FAM204A: variants seen among roughly 807,000 people sequenced by gnomAD.
FAM204A encodes family with sequence similarity 204 member A.
A neutral mutation model predicts 35.4 loss-of-function variants in FAM204A; 16 were observed. The observed-to-expected ratio is 0.45, with a 90% CI of 0.31 to 0.69. The LOEUF (loss-of-function observed/expected upper bound fraction) is 0.69, where lower values mean the gene tolerates loss of function less well. Among genes scored for constraint, FAM204A ranks in the 30% least tolerant of loss-of-function variants. The pLI, the probability that FAM204A is intolerant of heterozygous loss-of-function variation, is 0.07. For synonymous variants in FAM204A, 76 were observed against 86.9 expected, an observed-to-expected ratio of 0.88 and a Z score of 0.70; for missense variants, 240 against 265.7, an observed-to-expected ratio of 0.90 and a Z score of 0.67.
In FAM204A at chr10:118,298,445, CATTTTT is replaced by C. The variant is rs1442180968; in HGVS notation, c.*12406_*12411del. On this transcript the variant is annotated 3_prime_UTR_variant, in exon 9 of 9. Coordinates refer to ENST00000369183, the MANE Select transcript of FAM204A (RefSeq NM_022063.3). ...TTATTCTCTCCTACCAGTTACTCTT[CATTTTT>C]ATGTGTCAGAAAGCGTTCCTTGCAT... 6.6e-6 allele frequency: 1 copy of C among 152,182 alleles called. No individual in the cohort carries two copies. The highest frequency in any genetic ancestry group is 1.5e-5 in the Non-Finnish European group (1 of 68,026). 9.4% of individuals were successfully genotyped at this position (152,182 alleles called of 1,614,324 possible).
chr10:118,327,780 C>T (rs1846222143), intron 6 of FAM204A, among the ~76,000 whole-genome samples: 1 of 152,144 alleles, frequency 6.6e-6, no homozygotes, highest in Admixed American at 6.5e-5. Flanking sequence ...TGCCAGAATA[C>T]AAATCAGCTT....
chr10:118,310,881 G>A lies in FAM204A; in HGVS notation c.678C>T (p.Thr226=). 10 of 1,602,212 alleles carry A rather than the reference G, an allele frequency of 6.2e-6. No homozygotes were observed. Among genetic ancestry groups the A allele is most frequent in the Non-Finnish European group, 8.5e-6 (10 of 1,177,028 alleles). Residue 226 remains threonine (T), a synonymous_variant, in exon 9 of 9, where the codon ACC becomes ACT. Transcript: ENST00000369183. ...GTTACATGTATCCCATGTTGCTTTT[G>A]GTTTCCCATCTCTTCTTTGCTTCAA... is the stretch of plus-strand genomic sequence containing the variant. ...WGFEAKKRWE[T]KSNMGYM
rs1241949121 is a variant in FAM204A at position 118,299,112 on chromosome 10, T to C, written c.*11745A>G. On this transcript the variant is annotated 3_prime_UTR_variant, in exon 9 of 9. Coordinates refer to ENST00000369183, the MANE Select transcript of FAM204A (RefSeq NM_022063.3). The stretch of plus-strand genomic sequence containing the variant: ...TTTCTTGTCTTGGGCAGCAGATCAT[T>C]CCTTTTTCAGCTTCCAAATGGGGAA... The C allele has an allele frequency of 6.6e-6, 1 of 152,172 alleles. No homozygotes were observed. The highest frequency in any genetic ancestry group is 2.4e-5 in the African/African-American group (1 of 41,438). 9.4% of individuals were successfully genotyped at this position (152,172 alleles called of 1,614,324 possible). A position where few individuals can be genotyped will look rare whatever the true frequency, so the allele number is the denominator to read the frequency against.
At chr10:118,339,592 C>G (rs1846441482) in intron 2 of FAM204A, among the ~76,000 whole-genome samples, 1 of 152,172 alleles carries the variant, frequency 6.6e-6, no homozygotes, top group Non-Finnish European at 1.5e-5. Flanking sequence ...AGATTATAGC[C>G]AAGTCCATAT....
chr10:118,308,553 A>T lies in FAM204A; in HGVS notation c.*2304T>A, dbSNP rs1201444120. The T allele has an allele frequency of 6.6e-6, 1 of 152,224 alleles. No homozygotes were observed. The highest frequency in any genetic ancestry group is 1.5e-5 in the Non-Finnish European group (1 of 68,058). The allele number at this position is 152,224 out of a possible 1,614,324, so 9.4% of individuals were successfully genotyped here. On this transcript the variant is annotated 3_prime_UTR_variant, in exon 9 of 9. Transcript: ENST00000369183. ...CTTCCCTCCAACCCCTTCTTCTGCTACACATAACGTTTTAGAGCTTTCCAC... is the reference window on the plus strand; with the variant it reads ...CTTCCCTCCAACCCCTTCTTCTGCTTCACATAACGTTTTAGAGCTTTCCAC...
chr10:118,321,511 C>T (rs1846114735), intron 7 of FAM204A, among the ~76,000 whole-genome samples: 1 of 151,822 alleles, frequency 6.6e-6, no homozygotes, highest in Non-Finnish European at 1.5e-5. Flanking sequence ...ACATTAAACA[C>T]ATTTATTTTA....
chr10:118,341,650 T>C (rs760812935), intron 2 of FAM204A, 77 bp downstream of exon 2: 2 of 152,160 alleles, frequency 1.3e-5, no homozygotes, highest in Non-Finnish European at 2.9e-5. Context: ...AGACCCAAGA[T>C]CCTGCATGGA....
rs1589713766 is a variant in FAM204A, at chr10:118,299,300, C to T, written c.*11557G>A. 1 of 151,706 alleles carries T rather than the reference C, an allele frequency of 6.6e-6. No individual in the cohort carries two copies. Among genetic ancestry groups the T allele is most frequent in the Non-Finnish European group, 1.5e-5 (1 of 68,012 alleles). The allele number at this position is 151,706 out of a possible 1,614,324, so 9.4% of individuals were successfully genotyped here. A position where few individuals can be genotyped will look rare whatever the true frequency, so the allele number is the denominator to read the frequency against. On this transcript the variant is annotated 3_prime_UTR_variant, in exon 9 of 9. Coordinates refer to ENST00000369183, the MANE Select transcript of FAM204A (RefSeq NM_022063.3). ...AGCTGCCCTTCCTGTCAATCAATTA[C>T]CAACCCTGCTTCTGTATTTTTTTTT...
chr10:118,329,229 C>G (rs755125798), intron 6 of FAM204A, among the ~76,000 whole-genome samples: 1 of 152,150 alleles, frequency 6.6e-6, no homozygotes, highest in African/African-American at 2.4e-5. Flanking sequence ...TTCAGGGACA[C>G]GTGATCCCTT....
intron 7 of FAM204A, among the ~76,000 whole-genome samples, chr10:118,324,316 G>A (rs1031590728): frequency 1.4e-4 from 21 of 152,156 alleles, no homozygotes; most frequent in South Asian, 8.3e-4. Context: ...TTTCACTTCC[G>A]GGTACATACC....
In FAM204A at chr10:118,309,571, C is replaced by T. The variant is rs1324512063; in HGVS notation, c.*1286G>A. The T allele has an allele frequency of 6.6e-6, 1 of 152,170 alleles. No homozygotes were observed. Among genetic ancestry groups the T allele is most frequent in the African/African-American group, 2.4e-5 (1 of 41,428 alleles). The allele number at this position is 152,170 out of a possible 1,614,324, so 9.4% of individuals were successfully genotyped here. A position where few individuals can be genotyped will look rare whatever the true frequency, so the allele number is the denominator to read the frequency against. On this transcript the variant is annotated 3_prime_UTR_variant, in exon 9 of 9. Coordinates refer to ENST00000369183, the MANE Select transcript of FAM204A (RefSeq NM_022063.3). ...ACTGAGCAGGGAGGTGCCGACACAC[C>T]TGGTCTTGTTCACCTGCTTGTTTTA...
chr10:118,311,949 C>T (rs992180713), intron 7 of FAM204A, among the ~76,000 whole-genome samples: 13 of 152,138 alleles, frequency 8.5e-5, no homozygotes, highest in African/African-American at 1.7e-4. Flanking sequence ...GCCCCCCTTA[C>T]ACCCACCTGC....
Position 118,300,254 on chromosome 10 carries a change from G to C in FAM204A, c.*10603C>G, listed in dbSNP as rs1845794544. On this transcript the variant is annotated 3_prime_UTR_variant, in exon 9 of 9. Transcript: ENST00000369183. ...AGCCCCCAGCAACTGAAAAACCAGTGGCACAGAGGGAGATGAGGAAATGAG... is the reference window on the plus strand; with the variant it reads ...AGCCCCCAGCAACTGAAAAACCAGTCGCACAGAGGGAGATGAGGAAATGAG... The C allele has an allele frequency of 6.6e-6, 1 of 152,160 alleles. No homozygotes were observed. Among genetic ancestry groups the C allele is most frequent in the South Asian group, 2.1e-4 (1 of 4,832 alleles). 9.4% of individuals were successfully genotyped at this position (152,160 alleles called of 1,614,324 possible). A position where few individuals can be genotyped will look rare whatever the true frequency, so the allele number is the denominator to read the frequency against.
Position 118,310,809 on chromosome 10 carries a change from G to A in FAM204A, c.*48C>T. The A allele has an allele frequency of 6.9e-7, 1 of 1,458,318 alleles. No individual in the cohort carries two copies. The highest frequency in any genetic ancestry group is 1.4e-5 in the African/African-American group (1 of 70,816). The allele number at this position is 1,458,318 out of a possible 1,614,324, so 90.3% of individuals were successfully genotyped here. A position where few individuals can be genotyped will look rare whatever the true frequency, so the allele number is the denominator to read the frequency against. On this transcript the variant is annotated 3_prime_UTR_variant, in exon 9 of 9. Transcript: ENST00000369183. ...TAACATAGGCAGGAAAACATTCTCA[G>A]TAAATTGAGCATTTGAGTCTACAAA...
rs1845859057 is a variant in FAM204A, at chr10:118,305,904, C to G, written c.*4953G>C. 1 of 152,216 alleles carries G rather than the reference C, an allele frequency of 6.6e-6. No homozygotes were observed. Among genetic ancestry groups the G allele is most frequent in the Non-Finnish European group, 1.5e-5 (1 of 68,038 alleles). The allele number at this position is 152,216 out of a possible 1,614,324, so 9.4% of individuals were successfully genotyped here. ...ATCACCCATCTTACAAATGAAAACA[C>G]TTTTTATTGTGGGCAGTCATAATTG... is the stretch of plus-strand genomic sequence containing the variant. On this transcript the variant is annotated 3_prime_UTR_variant, in exon 9 of 9. Coordinates refer to ENST00000369183, the MANE Select transcript of FAM204A (RefSeq NM_022063.3).
Position 118,308,448 on chromosome 10 carries a change from C to A in FAM204A, c.*2409G>T, listed in dbSNP as rs1342249481. 1.3e-5 allele frequency: 2 copies of A among 152,082 alleles called. No homozygotes were observed. The highest frequency in any genetic ancestry group is 1.5e-5 in the Non-Finnish European group (1 of 68,016). 9.4% of individuals were successfully genotyped at this position (152,082 alleles called of 1,614,324 possible). A position where few individuals can be genotyped will look rare whatever the true frequency, so the allele number is the denominator to read the frequency against. On this transcript the variant is annotated 3_prime_UTR_variant, in exon 9 of 9. Coordinates refer to ENST00000369183, the MANE Select transcript of FAM204A (RefSeq NM_022063.3). ...GTTTCTAGGAGTAAAATACCTAATT[C>A]CTATTAGAAAGGATAAAATAAAACT...
chr10:118,322,350 G>C (rs1250157192), intron 7 of FAM204A: 1 of 456,314 alleles, frequency 2.2e-6, no homozygotes, highest in South Asian at 1.6e-5. Context: ...GGGACAAAGA[G>C]ACAGCACGAG....
intron 7 of FAM204A, among the ~76,000 whole-genome samples, chr10:118,314,570 A>C (rs180759301): frequency 5.1e-4 from 78 of 152,318 alleles, no homozygotes. Context: ...GTGCTGCAGT[A>C]TTACAAACAA....
In FAM204A at chr10:118,311,205, AC is replaced by A. The variant is rs768257825; in HGVS notation, c.650+1del. The stretch of plus-strand genomic sequence containing the variant: ...ACTACCAAAAATCTTAAGTAAACTC[AC>A]CCCCATGCAAGTTTCTTCTTTTTTC... On this transcript the variant is annotated splice_donor_variant, in intron 8 of 8. Transcript: ENST00000369183. LOFTEE classifies it high-confidence loss of function. 1.9e-6 allele frequency: 3 copies of A among 1,604,370 alleles called. No homozygotes were observed. Among genetic ancestry groups the A allele is most frequent in the Non-Finnish European group, 2.5e-6 (3 of 1,177,702 alleles).
Sources: gnomAD v4.1 joint callset for allele counts (sites outside exome capture counted in the v4.1 genomes callset) on GRCh38, gnomAD v4.1.1 for gene constraint, MANE v1.5 for transcripts, NCBI Gene and HGNC (gene_info 2026-07-23, HGNC 2026-07-21) for gene names.